Variants in FYN observed in about 807,000 individuals in gnomAD.
FYN encodes the protein FYN proto-oncogene, Src family tyrosine kinase.
Under a neutral mutation model 70.2 loss-of-function variants are expected in FYN, and 10 were observed. The observed-to-expected ratio is 0.14, with a 90% confidence interval of 0.09 to 0.24. The LOEUF is 0.24. Among genes scored for constraint, FYN ranks in the 10% least tolerant of loss-of-function variants. The pLI is 1.00. For synonymous variants in FYN, 236 were observed against 248.6 expected (o/e 0.95, Z 0.48); for missense variants, 319 against 673.1 (o/e 0.47, Z 5.82).
chr6:111,707,869 CG>C, intron 6 of FYN, 52 bp downstream of exon 6: 1 of 1,367,158 alleles, frequency 7.3e-7, no homozygotes, highest in Non-Finnish European at 1.0e-6. Flanking sequence ...CATTTTATTG[CG>C]GCAATCAACT....
At chr6:111,867,432 G>T (rs1006543889) in intron 1 of FYN, among the ~76,000 whole-genome samples, 2 of 126,814 alleles carry the variant, frequency 1.6e-5, no homozygotes, top group African/African-American at 6.7e-5. Flanking sequence ...TCTAGCCTGG[G>T]CAACAAGAGC....
intron 1 of FYN, among the ~76,000 whole-genome samples, chr6:111,858,857 A>G (rs534758860): frequency 1.3e-5 from 2 of 152,108 alleles, no homozygotes; most frequent in South Asian, 4.2e-4. Context: ...AAAAAAAAAA[A>G]AAGTGCAACA....
intron 3 of FYN, among the ~76,000 whole-genome samples, chr6:111,739,442 G>A (rs1416873319): frequency 6.6e-6 from 1 of 152,242 alleles, no homozygotes; most frequent in Admixed American, 6.5e-5. Context: ...CCCTGGCAGG[G>A]TTCTGGCTCC....
chr6:111,831,356 A>G (rs775042441), intron 2 of FYN, among the ~76,000 whole-genome samples: 3 of 152,222 alleles, frequency 2.0e-5, no homozygotes, highest in Non-Finnish European at 4.4e-5. Flanking sequence ...AAAGACTCCG[A>G]CTGACATTGG....
chr6:111,731,235 G>A (rs1313791634), intron 3 of FYN, among the ~76,000 whole-genome samples: 1 of 152,196 alleles, frequency 6.6e-6, no homozygotes, highest in African/African-American at 2.4e-5. Context: ...CAAAAACAGT[G>A]CATTCTTTTT....
intron 2 of FYN, chr6:111,793,770 C>T (rs1186079116): frequency 6.6e-6 from 1 of 152,266 alleles, no homozygotes; most frequent in African/African-American, 2.4e-5. Context: ...GTCAGTCAAT[C>T]CATTATCATT....
intron 12 of FYN, among the ~76,000 whole-genome samples, chr6:111,692,109 C>CCG (rs1554275095): frequency 2.1e-5 from 3 of 144,130 alleles, no homozygotes; most frequent in Admixed American, 6.9e-5. Flanking sequence ...TTTCCCCCCC[C>CCG]CCCAGTTCAG....
At chr6:111,732,704 C>A (rs1801521378) in intron 3 of FYN, among the ~76,000 whole-genome samples, 1 of 152,182 alleles carries the variant, frequency 6.6e-6, no homozygotes, top group African/African-American at 2.4e-5. Flanking sequence ...ATATTCAACT[C>A]CTGAATCCTT....
chr6:111,764,216 C>CAAAAAAAAAAAAAAAAAAAAAAAAAAAA (rs11409465), intron 3 of FYN, among the ~76,000 whole-genome samples: 28 of 58,376 alleles, frequency 4.8e-4, no homozygotes, highest in African/African-American at 1.1e-3. Context: ...TTTTGTCAAG[C>CAAAAAAAAAAAAAAAAAAAAAAAAAAAA]AAAAAAAAAA....
At chr6:111,860,056 A>G (rs1176450414) in intron 1 of FYN, among the ~76,000 whole-genome samples, 1 of 152,124 alleles carries the variant, frequency 6.6e-6, no homozygotes, top group Non-Finnish European at 1.5e-5. Flanking sequence ...GCAGCCACAG[A>G]GAAGCCTGGG....
intron 3 of FYN, among the ~76,000 whole-genome samples, chr6:111,767,744 T>C (rs1356410802): frequency 6.6e-6 from 1 of 152,164 alleles, no homozygotes; most frequent in Non-Finnish European, 1.5e-5. Context: ...TAAGATACAA[T>C]TGTGGCTAAT....
rs115588331 is a variant in FYN, at chr6:111,663,411, A to G, written c.1406-1464T>C. 7.1e-3 allele frequency among the ~76,000 whole-genome samples: 1,079 copies of G among 152,338 alleles called. 9 individuals are homozygous for G. Among genetic ancestry groups the G allele is most frequent in the African/African-American group, 0.024 (1,001 of 41,570 alleles). On this transcript the variant is annotated intron_variant, in intron 13 of 13. Coordinates refer to ENST00000354650, the MANE Select transcript of FYN (RefSeq NM_002037.5). ...GCCAGAGCACAGCCTGTCCCCCTGC[A>G]GAGGGAACACTCGGACTTCGGGGTC...
intron 2 of FYN, among the ~76,000 whole-genome samples, chr6:111,790,367 G>A (rs1380846884): frequency 6.6e-6 from 1 of 150,900 alleles, no homozygotes; most frequent in Non-Finnish European, 1.5e-5. Context: ...AAGAGGGAAA[G>A]GACTCAAACT....
chr6:111,857,427 G>A (rs549877350), intron 1 of FYN, among the ~76,000 whole-genome samples: 16 of 152,238 alleles, frequency 1.1e-4, no homozygotes, highest in South Asian at 4.1e-4. Context: ...AAACTCTGCC[G>A]CTTAAGGACA....
intron 2 of FYN, among the ~76,000 whole-genome samples, chr6:111,806,698 C>A (rs986802854): frequency 2.6e-5 from 4 of 152,150 alleles, no homozygotes; most frequent in African/African-American, 9.7e-5. Flanking sequence ...CCAAGAAATT[C>A]TGTCTTATAA....
chr6:111,688,827 T>C (rs1175421065), intron 12 of FYN, among the ~76,000 whole-genome samples: 1 of 152,144 alleles, frequency 6.6e-6, no homozygotes, highest in Non-Finnish European at 1.5e-5. Flanking sequence ...TGGCCGGAGA[T>C]GAGGACAGTG....
At chr6:111,871,903 C>A (rs565200053) in intron 1 of FYN, among the ~76,000 whole-genome samples, 17 of 152,336 alleles carry the variant, frequency 1.1e-4, no homozygotes, top group African/African-American at 4.1e-4. Context: ...ACCCGGCATC[C>A]GGGGGTTCTT....
chr6:111,674,377 C>T (rs1798444232), intron 13 of FYN, 122 bp downstream of exon 13: 1 of 1,140,668 alleles, frequency 8.8e-7, no homozygotes, highest in Non-Finnish European at 1.2e-6. Flanking sequence ...CCATGTTCTT[C>T]AAACTCAAGC....
rs1048052501 is a variant in FYN at position 111,789,873 on chromosome 6, C to T, written c.-81-9238G>A. 1.3e-5 allele frequency among the ~76,000 whole-genome samples: 2 copies of T among 152,158 alleles called. 1 individual carries two copies. ...TCTCTTCCAACCGGATTACTACTCC[C>T]AAGTCCCTCCAAGTAGACATTCTGG... On this transcript the variant is annotated intron_variant, in intron 2 of 13. Coordinates refer to ENST00000354650, the MANE Select transcript of FYN (RefSeq NM_002037.5).
Sources: allele counts gnomAD v4.1 joint callset (sites outside exome capture counted in the v4.1 genomes callset), GRCh38; gene constraint gnomAD v4.1.1; transcripts MANE v1.5; gene names NCBI Gene and HGNC (gene_info 2026-07-23, HGNC 2026-07-21).